NLRC5: variants seen among roughly 807,000 people sequenced by gnomAD.
The protein encoded by NLRC5 is protein NLRC5.
In NLRC5, 114 loss-of-function variants were observed where a neutral mutation model predicts 206.9. That is an observed-to-expected ratio of 0.55 (90% confidence interval 0.47 to 0.64). The LOEUF is 0.64. Among genes scored for constraint, NLRC5 ranks in the 30% least tolerant of loss-of-function variants. NLRC5 has a pLI of 0.00. For synonymous variants in NLRC5, 952 were observed against 962.8 expected, an observed-to-expected ratio of 0.99 and a Z score of 0.21; for missense variants, 2,008 against 2,305.5, an observed-to-expected ratio of 0.87 and a Z score of 2.64.
chr16:57,058,089 C>G lies in NLRC5; in HGVS notation c.3771C>G (p.Asp1257Glu). 1 of 1,612,634 alleles carries G rather than the reference C, an allele frequency of 6.2e-7. No individual in the cohort carries two copies. Among genetic ancestry groups the G allele is most frequent in the Non-Finnish European group, 8.5e-7 (1 of 1,179,328 alleles). The change falls in exon 28 of 49, where the codon GAC becomes GAG. Residue 1257 changes from aspartate (D) to glutamate (E), a missense_variant. By Grantham distance (45) the Asp-to-Glu change is conservative (BLOSUM62 2). Transcript: ENST00000688547. ...QVDLSANLLG[D>E]SGLRCLLECL... ...GTCTCTCAGCAAACCTGCTGGGCGACAGCGGACTCAGATGCCTTCTGGAAT... is the reference window on the plus strand; with the variant it reads ...GTCTCTCAGCAAACCTGCTGGGCGAGAGCGGACTCAGATGCCTTCTGGAAT...
chr16:57,069,956 C>G, intron 37 of NLRC5, 37 bp downstream of exon 37: 1 of 1,525,690 alleles, frequency 6.6e-7, no homozygotes, highest in Non-Finnish European at 8.9e-7. Context: ...GACAAGTGGC[C>G]CAGCTGAGGG....
intron 12 of NLRC5, 123 bp from the exon 13 acceptor site, chr16:57,034,044 GA>G: frequency 1.4e-6 from 1 of 696,960 alleles, no homozygotes; most frequent in South Asian, 1.8e-5. Context: ...CAGCTACTAA[GA>G]GGTGTGGCTA....
chr16:57,068,121 G>C (rs1361777912), intron 36 of NLRC5, among the ~76,000 whole-genome samples: 30 of 152,162 alleles, frequency 2.0e-4, no homozygotes, highest in Admixed American at 2.0e-3. Flanking sequence ...GAACTGCTGT[G>C]TGCCATTTAC....
At chr16:57,006,435 T>TTTA (rs2058919898) in intron 1 of NLRC5, among the ~76,000 whole-genome samples, 2 of 130,114 alleles carry the variant, frequency 1.5e-5, no homozygotes, top group Non-Finnish European at 3.3e-5. Context: ...TTTTTTTTTT[T>TTTA]TGAGACAGGG....
Position 57,051,649 on chromosome 16 carries a change from G to A in NLRC5, c.3506+28G>A, listed in dbSNP as rs557338689. ...AAGACGAGAGTTTTTCCTATTTCCC[G>A]GTTCCTTGTGCTCGTGTTTCTAAGG... On this transcript the variant is annotated intron_variant, in intron 24 of 48. Coordinates refer to ENST00000688547, the MANE Select transcript of NLRC5 (RefSeq NM_001384950.1). 1.4e-4 allele frequency: 220 copies of A among 1,578,076 alleles called. 4 individuals are homozygous for A. The South Asian group carries it at 1.7e-3, about 12-fold the overall frequency.
intron 1 of NLRC5, chr16:57,013,901 A>G (rs2059756283): frequency 3.6e-6 from 2 of 548,064 alleles, no homozygotes; most frequent in Non-Finnish European, 6.7e-6. Context: ...TGCAGATTCT[A>G]CAAAATGCGG....
At chr16:57,046,179 G>A (rs1307917670) in intron 21 of NLRC5, among the ~76,000 whole-genome samples, 1 of 152,198 alleles carries the variant, frequency 6.6e-6, no homozygotes, top group Non-Finnish European at 1.5e-5. Flanking sequence ...GGGAACCCCC[G>A]GGTTCTTGAG....
intron 36 of NLRC5, among the ~76,000 whole-genome samples, chr16:57,068,593 G>A (rs60577329): frequency 0.026 from 3,936 of 151,560 alleles, 154 homozygotes; most frequent in African/African-American, 0.083. Context: ...CCCTTTACCC[G>A]TTAACATTTC....
chr16:57,058,211 T>C, intron 28 of NLRC5, 63 bp downstream of exon 28: 7 of 1,369,610 alleles, frequency 5.1e-6, no homozygotes, highest in Non-Finnish European at 7.2e-6. Flanking sequence ...GCCAAAAGCA[T>C]GATGGGGGCT....
At chr16:57,052,223 G>A (rs1408004643) in intron 24 of NLRC5, among the ~76,000 whole-genome samples, 1 of 152,094 alleles carries the variant, frequency 6.6e-6, no homozygotes, top group African/African-American at 2.4e-5. Flanking sequence ...CTGTAATCCC[G>A]GCACTTTGGG....
chr16:57,059,520 G>A lies in NLRC5; in HGVS notation c.3974G>A (p.Gly1325Glu). Residue 1325 changes from glycine to glutamate, a missense_variant, in exon 30 of 49, where the codon GGG (glycine) becomes GAG (glutamate). Coordinates refer to ENST00000688547, the MANE Select transcript of NLRC5 (RefSeq NM_001384950.1). The part of the protein sequence containing the change: ...RIHFSREDQA[G>E]KTLRLSECSF... ...CACTTCTCCAGAGAGGACCAGGCTGGGAAGACACTCAGGTAATCCCTGCAG... is the reference window on the plus strand; with the variant it reads ...CACTTCTCCAGAGAGGACCAGGCTGAGAAGACACTCAGGTAATCCCTGCAG... 1.2e-6 allele frequency: 2 copies of A among 1,611,794 alleles called. No individual in the cohort carries two copies.
chr16:57,050,013 C>T (rs988545673), intron 23 of NLRC5, among the ~76,000 whole-genome samples: 1 of 151,940 alleles, frequency 6.6e-6, no homozygotes, highest in African/African-American at 2.4e-5. Flanking sequence ...CTCCATCCCC[C>T]CTCCCTGAAT....
At chr16:57,056,175 G>A (rs2065630699) in intron 27 of NLRC5, among the ~76,000 whole-genome samples, 1 of 152,226 alleles carries the variant, frequency 6.6e-6, no homozygotes, top group Non-Finnish European at 1.5e-5. Context: ...CAGACGCATT[G>A]GGAATCCAGC....
intron 30 of NLRC5, 145 bp from the exon 31 acceptor site, chr16:57,061,303 A>T (rs913997319): frequency 7.1e-5 from 48 of 673,190 alleles, no homozygotes; most frequent in Non-Finnish European, 1.2e-4. Flanking sequence ...CAGGAGCTGC[A>T]TATTTGGCCT....
chr16:57,075,352 C>T (rs949659288), intron 39 of NLRC5, among the ~76,000 whole-genome samples: 3 of 152,094 alleles, frequency 2.0e-5, no homozygotes, highest in East Asian at 1.9e-4. Flanking sequence ...CCCGAGTAGC[C>T]GGGATTATAG....
At chr16:57,003,096 G>C (rs900883289) in intron 1 of NLRC5, among the ~76,000 whole-genome samples, 5 of 151,314 alleles carry the variant, frequency 3.3e-5, no homozygotes, top group African/African-American at 9.8e-5. Context: ...GTCTCGCTCT[G>C]TCGCCCAGAC....
At chr16:57,029,963 C>A (rs1455094560) in intron 9 of NLRC5, 32 bp from the exon 10 acceptor site, 1 of 1,612,720 alleles carries the variant, frequency 6.2e-7, no homozygotes, top group South Asian at 1.1e-5. Context: ...GTAGGGGATT[C>A]CACTCCTGAC....
rs1475324126 is a variant in NLRC5 at position 57,081,181 on chromosome 16, A to G, written c.5405A>G (p.Asp1802Gly). ...CAGATGGGCCGGCTGAAGAGAGTGGAGTATGAGGGGCCGGGGGAGGAATGG... is the reference window on the plus strand; with the variant it reads ...CAGATGGGCCGGCTGAAGAGAGTGGGGTATGAGGGGCCGGGGGAGGAATGG... Reference protein sequence around the residue: ...LPQMGRLKRVDLEKNQITALG... With the variant: ...LPQMGRLKRVGLEKNQITALG... The change falls in exon 47 of 49, where the codon GAC becomes GGC. Residue 1802 changes from aspartate to glycine, a missense_variant and splice_region_variant. Asp to Gly is a moderately conservative substitution (Grantham distance 94). Transcript: ENST00000688547. 6.5e-7 allele frequency: 1 copy of G among 1,540,286 alleles called. No homozygotes were observed.
At chr16:57,070,400 C>T (rs1305936680) in intron 37 of NLRC5, 135 bp from the exon 38 acceptor site, 31 of 697,758 alleles carry the variant, frequency 4.4e-5, no homozygotes, top group African/African-American at 1.8e-4. Context: ...ACCTGGACAG[C>T]GAGGGTGGCC....
Sources: gnomAD v4.1 joint callset for allele counts (sites outside exome capture counted in the v4.1 genomes callset) on GRCh38, gnomAD v4.1.1 for gene constraint, MANE v1.5 for transcripts, NCBI Gene and HGNC (gene_info 2026-07-23, HGNC 2026-07-21) for gene names.